Variants in MB observed in about 807,000 individuals in gnomAD.
MB encodes nitrite reductase MB.
In MB, 10 loss-of-function variants were observed where a neutral mutation model predicts 14.5. The ratio of observed to expected loss-of-function variants is 0.69; its 90% confidence interval spans 0.43 to 1.17. MB has a LOEUF of 1.17. MB is among the 50% of genes most tolerant of loss of function. MB has a pLI of 0.00. For missense variants in MB, 169 were observed against 192.7 expected (o/e 0.88, Z 0.73); for synonymous variants, 89 against 78.6 (o/e 1.13, Z -0.70).
At chr22:35,613,416 T>C (rs1424951959) in intron 1 of MB, among the ~76,000 whole-genome samples, 1 of 152,212 alleles carries the variant, frequency 6.6e-6, no homozygotes, top group East Asian at 1.9e-4. Context: ...CTCATCCATA[T>C]GTAAACCAAA....
Position 35,607,154 on chromosome 22 carries a change from GC to G in MB, c.*142del. Reference sequence around the variant, plus strand: ...ATGCAAAGCCAACTTCAACACCCCAGCCCCAGCCCCTCAGCTCCTCCTGCCC... The same window carrying G: ...ATGCAAAGCCAACTTCAACACCCCAGCCCAGCCCCTCAGCTCCTCCTGCCC... On this transcript the variant is annotated 3_prime_UTR_variant, in exon 3 of 3. Coordinates refer to ENST00000397326, the MANE Select transcript of MB (RefSeq NM_005368.3). 1.0e-6 allele frequency: 1 copy of G among 967,126 alleles called. No individual in the cohort carries two copies. The highest frequency in any genetic ancestry group is 1.5e-6 in the Non-Finnish European group (1 of 665,774). The allele number at this position is 967,126 out of a possible 1,614,324, so 59.9% of individuals were successfully genotyped here.
upstream of MB, among the ~76,000 whole-genome samples, chr22:35,621,227 A>T (rs115625054): frequency 6.6e-6 from 1 of 152,178 alleles, no homozygotes; most frequent in South Asian, 2.1e-4. Flanking sequence ...ACACGCACAC[A>T]CACGCACGAA....
chr22:35,612,621 T>C lies in MB; in HGVS notation c.96-1515A>G, dbSNP rs1922723495. Among the ~76,000 whole-genome samples the C allele has an allele frequency of 2.0e-5, 3 of 152,274 alleles. No individual in the cohort carries two copies. The South Asian group carries it at 6.2e-4, about 32-fold the overall frequency. ...ACAGGCGCCCAGCCATATTAACTGA[T>C]TTTAAAATCCTGATGGGGTAGACGC... On this transcript the variant is annotated intron_variant, in intron 1 of 2. Transcript: ENST00000397326.
rs370037224 is a variant in MB, at chr22:35,613,288, C to T, written c.96-2182G>A. ...AGACATTTTGGGGCCTGCCCCTGCC[C>T]TCTGATATCTAGGGAAGAGAACATG... On this transcript the variant is annotated intron_variant, in intron 1 of 2. Transcript: ENST00000397326. Among the ~76,000 whole-genome samples, 6 of 152,214 alleles carry T rather than the reference C, an allele frequency of 3.9e-5. No homozygotes were observed. In the East Asian group the frequency reaches 9.6e-4, roughly 24 times the overall value.
rs1474628946 is a variant in MB, at chr22:35,617,143, A to G, written c.95+20T>C. On this transcript the variant is annotated intron_variant, in intron 1 of 2. Transcript: ENST00000397326. ...TCTTAGGGTGTGGGTGGCAGGGGCAATGGAATCTCTTCCTTTTACCTGATG... is the reference window on the plus strand; with the variant it reads ...TCTTAGGGTGTGGGTGGCAGGGGCAGTGGAATCTCTTCCTTTTACCTGATG... The G allele has an allele frequency of 6.3e-7, 1 of 1,593,418 alleles. No individual in the cohort carries two copies. The highest frequency in any genetic ancestry group is 8.6e-7 in the Non-Finnish European group (1 of 1,161,050).
intron 1 of MB, among the ~76,000 whole-genome samples, chr22:35,613,628 TG>T (rs1413110758): frequency 6.6e-6 from 1 of 152,138 alleles, no homozygotes; most frequent in East Asian, 1.9e-4. Flanking sequence ...CCCGCGTAGC[TG>T]GGACTACAGG....
upstream of MB, among the ~76,000 whole-genome samples, chr22:35,620,122 T>A (rs547182849): frequency 1.8e-4 from 27 of 152,196 alleles, no homozygotes; most frequent in African/African-American, 5.3e-4. Context: ...GATCACAAGG[T>A]CAAGAGATCG....
upstream of MB, among the ~76,000 whole-genome samples, chr22:35,618,257 G>A (rs780246733): frequency 1.6e-4 from 25 of 152,182 alleles, no homozygotes; most frequent in Non-Finnish European, 3.4e-4. Context: ...AGGAAGCCAC[G>A]CCCCTTTCTT....
chr22:35,615,641 G>A (rs1341463589), intron 1 of MB: 1 of 152,186 alleles, frequency 6.6e-6, no homozygotes, highest in Non-Finnish European at 1.5e-5. Flanking sequence ...AGAATTCTAG[G>A]GCATGAGCGT....
At chr22:35,620,752 G>A (rs909511164), upstream of MB, among the ~76,000 whole-genome samples, 3 of 152,180 alleles carry the variant, frequency 2.0e-5, no homozygotes, top group Non-Finnish European at 4.4e-5. Flanking sequence ...ACACCCCTGA[G>A]GGTGCGGGGC....
At chr22:35,621,150 C>T (rs1367782274), upstream of MB, among the ~76,000 whole-genome samples, 1 of 152,174 alleles carries the variant, frequency 6.6e-6, no homozygotes, top group African/African-American at 2.4e-5. Context: ...GCTGCAGACA[C>T]ATGATAGGAA....
chr22:35,621,690 G>A (rs1275002514), upstream of MB, among the ~76,000 whole-genome samples: 1 of 152,080 alleles, frequency 6.6e-6, no homozygotes, highest in Non-Finnish European at 1.5e-5. Context: ...TCCATGTCAC[G>A]TGCACTTCCT....
upstream of MB, among the ~76,000 whole-genome samples, chr22:35,618,845 A>G (rs1302482947): frequency 6.8e-6 from 1 of 148,134 alleles, no homozygotes; most frequent in Non-Finnish European, 1.5e-5. Flanking sequence ...TCATCCATTC[A>G]TTATCCCTCC....
chr22:35,614,000 C>T (rs1208299556), intron 1 of MB, among the ~76,000 whole-genome samples: 1 of 152,182 alleles, frequency 6.6e-6, no homozygotes, highest in African/African-American at 2.4e-5. Context: ...TGGAAATGGA[C>T]GGAGGGCGTT....
chr22:35,610,178 A>G (rs1169558422), intron 2 of MB, among the ~76,000 whole-genome samples: 1 of 151,852 alleles, frequency 6.6e-6, no homozygotes, highest in East Asian at 1.9e-4. Flanking sequence ...CCTCTCCCCA[A>G]ATCGCCTCCT....
chr22:35,611,393 C>T (rs541523776), intron 1 of MB, among the ~76,000 whole-genome samples: 3 of 152,270 alleles, frequency 2.0e-5, no homozygotes, highest in Admixed American at 6.5e-5. Flanking sequence ...GGTTCTGAGG[C>T]GTAAAGTCAC....
chr22:35,611,699 G>T (rs1922643000), intron 1 of MB, among the ~76,000 whole-genome samples: 1 of 152,180 alleles, frequency 6.6e-6, no homozygotes, highest in South Asian at 2.1e-4. Flanking sequence ...CCTGGTGGGA[G>T]CAACTCAACC....
Position 35,607,282 on chromosome 22 carries a change from G to T in MB, c.*15C>A, listed in dbSNP as rs1185833614. The T allele has an allele frequency of 5.6e-6, 9 of 1,606,346 alleles. No individual in the cohort carries two copies. Among genetic ancestry groups the T allele is most frequent in the Non-Finnish European group, 7.7e-6 (9 of 1,174,512 alleles). Reference sequence around the variant, plus strand: ...ACCCGGGGCCCAGATGGGTGGGGGTGGGAGCGGCAGGGGCCTAGCCCTGGA... The same window carrying T: ...ACCCGGGGCCCAGATGGGTGGGGGTTGGAGCGGCAGGGGCCTAGCCCTGGA... On this transcript the variant is annotated 3_prime_UTR_variant, in exon 3 of 3. Transcript: ENST00000397326.
chr22:35,611,021 C>T lies in MB; in HGVS notation c.181G>A (p.Asp61Asn), dbSNP rs1569119482. 2 of 1,614,152 alleles carry T rather than the reference C, an allele frequency of 1.2e-6. No individual in the cohort carries two copies. Among genetic ancestry groups the T allele is most frequent in the Non-Finnish European group, 1.7e-6 (2 of 1,180,006 alleles). Residue 61 changes from aspartate to asparagine, a missense_variant, in exon 2 of 3, where the codon GAC (aspartate) becomes AAC (asparagine). Transcript: ENST00000397326. ...ACGGTGGCACCATGCTTCTTTAAGT[C>T]CTCAGACGCCTTCATCTCGTCCTCT... ...KSEDEMKASE[D>N]LKKHGATVLT...
Sources: allele counts gnomAD v4.1 joint callset (sites outside exome capture counted in the v4.1 genomes callset), GRCh38; gene constraint gnomAD v4.1.1; transcripts MANE v1.5; gene names NCBI Gene and HGNC (gene_info 2026-07-23, HGNC 2026-07-21).